Variants in MTUS2 observed in about 807,000 individuals in gnomAD.
MTUS2 encodes microtubule associated scaffold protein 2, also known as microtubule-associated tumor suppressor candidate 2.
A neutral mutation model predicts 114.1 loss-of-function variants in MTUS2; 40 were observed. The ratio of observed to expected loss-of-function variants is 0.35; its 90% CI spans 0.27 to 0.46. The LOEUF is 0.46. Among genes scored for constraint, MTUS2 ranks in the 20% least tolerant of loss-of-function variants. MTUS2 has a pLI of 1.00. For synonymous variants in MTUS2, 688 were observed against 672.0 expected (o/e 1.02, Z -0.37); for missense variants, 1,679 against 1,705.4 (o/e 0.98, Z 0.27).
intron 2 of MTUS2, among the ~76,000 whole-genome samples, chr13:28,880,367 G>T (rs1162305977): frequency 6.6e-6 from 1 of 152,140 alleles, no homozygotes; most frequent in East Asian, 1.9e-4. Context: ...ATGAAACACA[G>T]CAGTAAATGA....
At chr13:29,250,017 C>T (rs569715844) in intron 5 of MTUS2, among the ~76,000 whole-genome samples, 32 of 151,962 alleles carry the variant, frequency 2.1e-4, no homozygotes, top group Non-Finnish European at 3.5e-4. Context: ...AAGCTAAAAT[C>T]GACAAATGAG....
At chr13:28,874,170 AC>A (rs1428495437) in intron 2 of MTUS2, among the ~76,000 whole-genome samples, 2 of 152,058 alleles carry the variant, frequency 1.3e-5, no homozygotes, top group African/African-American at 4.8e-5. Flanking sequence ...GGCACCCGCC[AC>A]CATGTCTGGC....
At chr13:29,120,423 T>C (rs921788097) in intron 5 of MTUS2, among the ~76,000 whole-genome samples, 1 of 152,084 alleles carries the variant, frequency 6.6e-6, no homozygotes, top group Admixed American at 6.5e-5. Flanking sequence ...AACAGTATTA[T>C]GCATGAGACT....
rs190507779 is a variant in MTUS2, at chr13:28,821,377, A to C, written c.-316+766A>C. ...AGGAATTGGTGAGAATTCTTTGACT[A>C]CTTATTGATAAAAAGATCCTACATG... On this transcript the variant is annotated intron_variant, in intron 1 of 15. Coordinates refer to ENST00000612955, the MANE Select transcript of MTUS2 (RefSeq NM_001033602.4). Among the ~76,000 whole-genome samples, 420 of 152,346 alleles carry C rather than the reference A, an allele frequency of 2.8e-3. 3 individuals are homozygous for C. Among genetic ancestry groups the C allele is most frequent in the African/African-American group, 9.1e-3 (377 of 41,584 alleles).
At chr13:29,174,914 A>G (rs1188650121) in intron 5 of MTUS2, among the ~76,000 whole-genome samples, 4 of 152,192 alleles carry the variant, frequency 2.6e-5, no homozygotes, top group Non-Finnish European at 4.4e-5. Flanking sequence ...ACATCTTTCC[A>G]GTCTAGAAAT....
chr13:29,380,452 T>A (rs1872116761), intron 8 of MTUS2, among the ~76,000 whole-genome samples: 1 of 152,216 alleles, frequency 6.6e-6, no homozygotes, highest in East Asian at 1.9e-4. Context: ...AGAAGAGGAT[T>A]CCTCTGCCCT....
At chr13:29,327,411 C>T (rs911064194) in intron 7 of MTUS2, among the ~76,000 whole-genome samples, 1 of 152,132 alleles carries the variant, frequency 6.6e-6, no homozygotes, top group South Asian at 2.1e-4. Flanking sequence ...TCTACACCCC[C>T]ACCCCAAACC....
chr13:28,954,833 G>A (rs1008284128), intron 2 of MTUS2, among the ~76,000 whole-genome samples: 1 of 152,136 alleles, frequency 6.6e-6, no homozygotes, highest in African/African-American at 2.4e-5. Flanking sequence ...ATAGGGCTGA[G>A]TTTGTTTTGG....
intron 5 of MTUS2, among the ~76,000 whole-genome samples, chr13:29,263,499 CT>C (rs1008279643): frequency 3.1e-4 from 47 of 152,216 alleles, no homozygotes; most frequent in Non-Finnish European, 6.6e-4. Context: ...ATACCTGAGA[CT>C]AAGAAACTAA....
chr13:29,149,629 C>A (rs1052527908), intron 5 of MTUS2, among the ~76,000 whole-genome samples: 5 of 152,070 alleles, frequency 3.3e-5, no homozygotes, highest in African/African-American at 1.2e-4. Context: ...CCTAGATTTT[C>A]TTCTAGGATT....
At chr13:28,921,434 T>C (rs1376903612) in intron 2 of MTUS2, among the ~76,000 whole-genome samples, 1 of 152,184 alleles carries the variant, frequency 6.6e-6, no homozygotes, top group Non-Finnish European at 1.5e-5. Flanking sequence ...TTCACTTTCC[T>C]CTTTTCAAAC....
chr13:29,389,138 C>T (rs1337196830), intron 8 of MTUS2, among the ~76,000 whole-genome samples: 1 of 148,614 alleles, frequency 6.7e-6, no homozygotes. Flanking sequence ...CACAGTTTTC[C>T]TGACAGAGAG....
chr13:28,990,777 A>T (rs1213008702), intron 2 of MTUS2, among the ~76,000 whole-genome samples: 1 of 152,184 alleles, frequency 6.6e-6, no homozygotes, highest in Non-Finnish European at 1.5e-5. Flanking sequence ...AGGCTGTGGA[A>T]GGTTTGTTCT....
At chr13:29,478,088 A>G (rs1880840292) in intron 9 of MTUS2, among the ~76,000 whole-genome samples, 1 of 152,214 alleles carries the variant, frequency 6.6e-6, no homozygotes, top group Non-Finnish European at 1.5e-5. Context: ...CTGGCCAGTT[A>G]TCTTTAAAAT....
intron 5 of MTUS2, among the ~76,000 whole-genome samples, chr13:29,228,305 G>A (rs1261114595): frequency 6.6e-6 from 1 of 152,124 alleles, no homozygotes; most frequent in Non-Finnish European, 1.5e-5. Flanking sequence ...AAAGTAAAAT[G>A]CAAGAAAGTG....
intron 2 of MTUS2, among the ~76,000 whole-genome samples, chr13:29,017,899 GATA>G (rs1290307357): frequency 4.6e-5 from 7 of 152,160 alleles, no homozygotes; most frequent in Admixed American, 1.3e-4. Context: ...CACATGTAAC[GATA>G]ATAATGAGTC....
intron 5 of MTUS2, among the ~76,000 whole-genome samples, chr13:29,235,079 T>C (rs1555254857): frequency 6.9e-6 from 1 of 144,846 alleles, no homozygotes; most frequent in Non-Finnish European, 1.5e-5. Flanking sequence ...TTTTCAAATT[T>C]AATTTAGTTA....
At chr13:29,129,413 G>T (rs1310456661) in intron 5 of MTUS2, among the ~76,000 whole-genome samples, 3 of 152,124 alleles carry the variant, frequency 2.0e-5, no homozygotes, top group African/African-American at 4.8e-5. Flanking sequence ...CTGTGCAAAA[G>T]ACTGGAGGGT....
intron 8 of MTUS2, among the ~76,000 whole-genome samples, chr13:29,421,822 T>G (rs1566191201): frequency 6.6e-6 from 1 of 152,144 alleles, no homozygotes; most frequent in African/African-American, 2.4e-5. Flanking sequence ...TAAGGAGTAC[T>G]GGGGAGCAGA....
Sources: allele counts gnomAD v4.1 joint callset (sites outside exome capture counted in the v4.1 genomes callset), GRCh38; gene constraint gnomAD v4.1.1; transcripts MANE v1.5; gene names NCBI Gene and HGNC (gene_info 2026-07-23, HGNC 2026-07-21).